Variants in STPG2 observed in about 807,000 individuals in gnomAD.
STPG2 encodes sperm-tail PG-rich repeat-containing protein 2.
A neutral mutation model predicts 54.2 loss-of-function variants in STPG2; 56 were observed. The observed-to-expected ratio is 1.03, with a 90% CI of 0.83 to 1.29. STPG2 has a LOEUF of 1.29. Among genes scored for constraint, STPG2 ranks in the 50% most tolerant of loss-of-function variants. The pLI is 0.00. For missense variants in STPG2, 596 were observed against 544.9 expected (o/e 1.09, Z -0.93); for synonymous variants, 200 against 181.8 (o/e 1.10, Z -0.81).
chr4:97,508,658 A>G (rs1189218774), intron 4 of STPG2, among the ~76,000 whole-genome samples: 1 of 152,120 alleles, frequency 6.6e-6, no homozygotes, highest in Non-Finnish European at 1.5e-5. Context: ...TTAACTTAAT[A>G]AAAAGTATGT....
chr4:97,853,398 C>T (rs1382680451), intron 8 of STPG2, among the ~76,000 whole-genome samples: 1 of 152,092 alleles, frequency 6.6e-6, no homozygotes, highest in Non-Finnish European at 1.5e-5. Context: ...GCACATTCTG[C>T]ACATGTATCC....
chr4:97,638,074 C>T lies in STPG2; in HGVS notation c.1320+74625G>A, dbSNP rs367735833. On this transcript the variant is annotated intron_variant, in intron 10 of 10. Transcript: ENST00000295268. ...CAAAAGAACAAAGCTGAAGCCATCACACTACCTGACTTCAAACTATACTAC... is the reference window on the plus strand; with the variant it reads ...CAAAAGAACAAAGCTGAAGCCATCATACTACCTGACTTCAAACTATACTAC... Among the ~76,000 whole-genome samples, 35 of 152,274 alleles carry T rather than the reference C, an allele frequency of 2.3e-4. No individual in the cohort carries two copies. In the East Asian group the frequency reaches 2.5e-3, roughly 11 times the overall value.
chr4:97,964,569 T>C (rs572099388), intron 7 of STPG2, among the ~76,000 whole-genome samples: 3 of 152,126 alleles, frequency 2.0e-5, no homozygotes, highest in Non-Finnish European at 4.4e-5. Context: ...ATTAAAAACC[T>C]GAAAAAACTA....
At chr4:97,598,290 T>C (rs1041180425) in intron 10 of STPG2, among the ~76,000 whole-genome samples, 1 of 152,096 alleles carries the variant, frequency 6.6e-6, no homozygotes, top group African/African-American at 2.4e-5. Context: ...AGAATCAATA[T>C]TGTTAAAACG....
Position 97,744,929 on chromosome 4 carries a change from C to A in STPG2, c.1205-32115G>T, listed in dbSNP as rs545381568. ...GGAAGGCTCCAGTAAATTTCTTTCT[C>A]TTCTTTATCATCTGCTCTTCACATA... On this transcript the variant is annotated intron_variant, in intron 9 of 10. Coordinates refer to ENST00000295268, the MANE Select transcript of STPG2 (RefSeq NM_174952.3). 2.6e-5 allele frequency among the ~76,000 whole-genome samples: 4 copies of A among 151,326 alleles called. No homozygotes were observed. In the South Asian group the frequency reaches 8.3e-4, roughly 31 times the overall value.
At chr4:97,589,656 G>A (rs1017384691) in intron 10 of STPG2, among the ~76,000 whole-genome samples, 1 of 152,122 alleles carries the variant, frequency 6.6e-6, no homozygotes, top group Non-Finnish European at 1.5e-5. Flanking sequence ...TAGTGCAAAT[G>A]CACCATAGGC....
intron 8 of STPG2, among the ~76,000 whole-genome samples, chr4:97,844,189 A>C (rs2149124538): frequency 6.6e-6 from 1 of 152,032 alleles, no homozygotes; most frequent in African/African-American, 2.4e-5. Flanking sequence ...CTGATCTCAG[A>C]CATGTGAAAC....
intron 7 of STPG2, among the ~76,000 whole-genome samples, chr4:97,959,924 T>G (rs1393688546): frequency 1.3e-5 from 2 of 152,100 alleles, no homozygotes; most frequent in African/African-American, 2.4e-5. Context: ...ATATCCCTGA[T>G]GAACATAGAT....
At chr4:97,843,605 A>C (rs568643821) in intron 8 of STPG2, among the ~76,000 whole-genome samples, 1 of 151,970 alleles carries the variant, frequency 6.6e-6, no homozygotes, top group East Asian at 1.9e-4. Context: ...TGCTAATGGG[A>C]TATCAAAACG....
At chr4:97,722,837 G>A (rs1213142626) in intron 9 of STPG2, among the ~76,000 whole-genome samples, 3 of 136,308 alleles carry the variant, frequency 2.2e-5, no homozygotes, top group African/African-American at 5.7e-5. Flanking sequence ...TTGCTCTGTC[G>A]CCCCGGCTGG....
intron 4 of STPG2, among the ~76,000 whole-genome samples, chr4:97,540,799 G>A (rs1025215052): frequency 1.3e-5 from 2 of 152,086 alleles, no homozygotes; most frequent in Non-Finnish European, 2.9e-5. Flanking sequence ...TTCCTGGGAT[G>A]GAAGGCTGGT....
chr4:97,907,179 C>T (rs1467505280), intron 8 of STPG2, among the ~76,000 whole-genome samples: 1 of 151,898 alleles, frequency 6.6e-6, no homozygotes, highest in Non-Finnish European at 1.5e-5. Context: ...TCTCAGGATA[C>T]AAAATCAATG....
chr4:98,080,247 T>C (rs1379830084), intron 5 of STPG2, among the ~76,000 whole-genome samples: 1 of 152,208 alleles, frequency 6.6e-6, no homozygotes, highest in Non-Finnish European at 1.5e-5. Flanking sequence ...TATATTGTTA[T>C]AAATTTTACT....
At chr4:97,769,667 A>G (rs1726164867) in intron 9 of STPG2, among the ~76,000 whole-genome samples, 1 of 152,076 alleles carries the variant, frequency 6.6e-6, no homozygotes, top group Non-Finnish European at 1.5e-5. Flanking sequence ...TATATATAGA[A>G]AACACAAGAG....
chr4:97,644,233 C>A (rs1392143171), intron 10 of STPG2, among the ~76,000 whole-genome samples: 1 of 151,622 alleles, frequency 6.6e-6, no homozygotes, highest in Non-Finnish European at 1.5e-5. Context: ...TTTCTTTTGA[C>A]AATAAAATGA....
At chr4:97,550,866 G>A (rs1448367516) in intron 4 of STPG2, among the ~76,000 whole-genome samples, 4 of 152,096 alleles carry the variant, frequency 2.6e-5, no homozygotes, top group African/African-American at 9.7e-5. Flanking sequence ...CCTCCCGGTG[G>A]GTTTGTGGTC....
At position 97,552,694 on chromosome 4, in the gene STPG2, T is replaced by C. The variant is rs183141264; in HGVS notation, c.462+160005A>G. Among the ~76,000 whole-genome samples the C allele has an allele frequency of 4.1e-3, 631 of 152,248 alleles. 3 individuals carry two copies. Among genetic ancestry groups the C allele is most frequent in the South Asian group, 0.02 (98 of 4,834 alleles). On this transcript the variant is annotated intron_variant, in intron 4 of 4. Transcript: ENST00000522676. Reference sequence around the variant, plus strand: ...TAATTTTTAAAATCCAAGAAAACTATACACTGAAGTGTAATACTTTTGATG... The same window carrying C: ...TAATTTTTAAAATCCAAGAAAACTACACACTGAAGTGTAATACTTTTGATG...
At chr4:97,653,947 G>T (rs1252240848) in intron 10 of STPG2, among the ~76,000 whole-genome samples, 1 of 152,162 alleles carries the variant, frequency 6.6e-6, no homozygotes, top group Admixed American at 6.5e-5. Flanking sequence ...AAATGGTGTA[G>T]AACTCTGGCC....
intron 10 of STPG2, among the ~76,000 whole-genome samples, chr4:97,575,046 T>A (rs565193245): frequency 3.3e-5 from 5 of 151,826 alleles, no homozygotes; most frequent in East Asian, 1.9e-4. Flanking sequence ...GAAAAAAAAA[T>A]TAATTTTTGG....
Sources: gnomAD v4.1 joint callset for allele counts (sites outside exome capture counted in the v4.1 genomes callset) on GRCh38, gnomAD v4.1.1 for gene constraint, MANE v1.5 for transcripts, NCBI Gene and HGNC (gene_info 2026-07-23, HGNC 2026-07-21) for gene names.